The following TMEM132D variants were observed in gnomAD, a reference collection of about 807,000 sequenced individuals.
TMEM132D encodes the protein transmembrane protein 132D.
A neutral mutation model predicts 62.3 loss-of-function variants in TMEM132D; 21 were observed. The observed-to-expected ratio is 0.34, with a 90% confidence interval of 0.24 to 0.49. TMEM132D has a LOEUF of 0.49. Ranked by LOEUF, TMEM132D falls within the 20% of genes least tolerant of loss-of-function variation. The probability of loss-of-function intolerance (pLI) is 0.99; values close to 1 mark genes in which losing one functional copy is unlikely to be tolerated. For missense variants in TMEM132D, 1,346 were observed against 1,402.8 expected (o/e 0.96, Z 0.65); for synonymous variants, 621 against 575.6 (o/e 1.08, Z -1.13).
intron 1 of TMEM132D, among the ~76,000 whole-genome samples, chr12:129,866,132 G>T (rs893973726): frequency 6.6e-6 from 1 of 152,056 alleles, no homozygotes; most frequent in Admixed American, 6.5e-5. Flanking sequence ...AAAAGGGTTC[G>T]ACATGACTAT....
intron 1 of TMEM132D, among the ~76,000 whole-genome samples, chr12:129,725,590 G>A (rs1261324860): frequency 6.6e-6 from 1 of 152,232 alleles, no homozygotes; most frequent in African/African-American, 2.4e-5. Context: ...ACACTGCAGA[G>A]AAGGTGTTAC....
intron 1 of TMEM132D, among the ~76,000 whole-genome samples, chr12:129,743,746 G>C (rs901850185): frequency 1.3e-5 from 2 of 152,138 alleles, no homozygotes; most frequent in African/African-American, 4.8e-5. Context: ...TGAATTATCA[G>C]GGTAGGCTCA....
intron 3 of TMEM132D, among the ~76,000 whole-genome samples, chr12:129,483,588 C>T (rs914274774): frequency 6.6e-6 from 1 of 152,184 alleles, no homozygotes; most frequent in South Asian, 2.1e-4. Flanking sequence ...AAAGAAAAAG[C>T]CAGTTAATCT....
At chr12:129,579,841 G>A (rs1593073771) in intron 2 of TMEM132D, among the ~76,000 whole-genome samples, 1 of 152,278 alleles carries the variant, frequency 6.6e-6, no homozygotes, top group East Asian at 1.9e-4. Context: ...CAATCAAGTT[G>A]ACACTCAATA....
Position 129,700,441 on chromosome 12 carries a change from G to C in TMEM132D, c.337C>G (p.Pro113Ala), listed in dbSNP as rs1170116093. The C allele has an allele frequency of 6.2e-7, 1 of 1,614,046 alleles. No individual in the cohort carries two copies. Among genetic ancestry groups the C allele is most frequent in the African/African-American group, 1.3e-5 (1 of 74,926 alleles). Reference protein sequence around the residue: ...EQVVPQDLMLPSNPFGFTNKF... With the variant: ...EQVVPQDLMLASNPFGFTNKF... ...TTGGTGAATCCAAATGGGTTGGAAG[G>C]TAGCATTAAATCCTGGGGCACCACT... Residue 113 changes from proline to alanine, a missense_variant, in exon 2 of 9, where the codon CCT becomes GCT. Pro to Ala is a conservative substitution (Grantham distance 27). Coordinates refer to ENST00000422113, the MANE Select transcript of TMEM132D (RefSeq NM_133448.3).
intron 1 of TMEM132D, among the ~76,000 whole-genome samples, chr12:129,825,028 C>T (rs1342176132): frequency 8.7e-4 from 97 of 110,982 alleles, no homozygotes; most frequent in Non-Finnish European, 1.1e-3. Context: ...TTTTTTTTTT[C>T]CCTGAGATGG....
intron 3 of TMEM132D, among the ~76,000 whole-genome samples, chr12:129,415,813 G>C (rs1171574322): frequency 6.6e-6 from 1 of 152,186 alleles, no homozygotes; most frequent in Non-Finnish European, 1.5e-5. Flanking sequence ...GATCAGACTG[G>C]CATGGTGGCT....
At chr12:129,422,288 A>G (rs981823382) in intron 3 of TMEM132D, among the ~76,000 whole-genome samples, 2 of 152,186 alleles carry the variant, frequency 1.3e-5, no homozygotes, top group Non-Finnish European at 2.9e-5. Flanking sequence ...GGGGTATATT[A>G]TTGCTGTATC....
chr12:129,084,819 C>T (rs1874563307), intron 5 of TMEM132D, 117 bp from the exon 6 acceptor site: 1 of 917,166 alleles, frequency 1.1e-6, no homozygotes, highest in Non-Finnish European at 1.6e-6. Context: ...CTTTCCTCCC[C>T]TTACTATGGG....
chr12:129,365,655 GC>G (rs1870384097), intron 3 of TMEM132D, among the ~76,000 whole-genome samples: 1 of 152,134 alleles, frequency 6.6e-6, no homozygotes, highest in South Asian at 2.1e-4. Flanking sequence ...CCCGCAGGGA[GC>G]CTTGGAGCAA....
In TMEM132D at chr12:129,092,063, G is replaced by T. The variant is rs140501048; in HGVS notation, c.1444-7361C>A. Among the ~76,000 whole-genome samples, 87 of 152,280 alleles carry T rather than the reference G, an allele frequency of 5.7e-4. 1 individual carries two copies. The East Asian group carries it at 0.014, about 25-fold the overall frequency. Reference sequence around the variant, plus strand: ...TTAACTACCACATTACAATGCTGATGGTTTGAAGGGATGATCTATTAAAAC... The same window carrying T: ...TTAACTACCACATTACAATGCTGATTGTTTGAAGGGATGATCTATTAAAAC... On this transcript the variant is annotated intron_variant, in intron 5 of 8. Transcript: ENST00000422113.
At chr12:129,333,386 C>G (rs537587395) in intron 4 of TMEM132D, among the ~76,000 whole-genome samples, 3 of 152,006 alleles carry the variant, frequency 2.0e-5, no homozygotes, top group African/African-American at 7.3e-5. Context: ...GATTTTTGTA[C>G]GAAAATATAA....
chr12:129,535,777 C>CGTGTGCGTGT (rs1876368820), intron 2 of TMEM132D, among the ~76,000 whole-genome samples: 1 of 74,672 alleles, frequency 1.3e-5, no homozygotes, highest in Non-Finnish European at 2.7e-5. Context: ...GATTTGTGTG[C>CGTGTGCGTGT]GTGTGTGTGT....
rs371384445 is a variant in TMEM132D at position 129,455,983 on chromosome 12, T to C, written c.1115+75076A>G. Among the ~76,000 whole-genome samples, 9 of 152,258 alleles carry C rather than the reference T, an allele frequency of 5.9e-5. No homozygotes were observed. In the South Asian group the frequency reaches 1.0e-3, roughly 18 times the overall value. On this transcript the variant is annotated intron_variant, in intron 3 of 8. Coordinates refer to ENST00000422113, the MANE Select transcript of TMEM132D (RefSeq NM_133448.3). ...GGCAGGGGGATGATTTAAGTGGCTA[T>C]TGCAATAATCCAGGCAAGATACAAT...
chr12:129,198,944 CAG>C (rs1565994942), intron 5 of TMEM132D, among the ~76,000 whole-genome samples: 3 of 151,796 alleles, frequency 2.0e-5, no homozygotes, highest in Admixed American at 6.6e-5. Flanking sequence ...AAAATTAAAA[CAG>C]AAAATATGTG....
intron 4 of TMEM132D, among the ~76,000 whole-genome samples, chr12:129,232,679 G>A (rs189990185): frequency 6.6e-6 from 1 of 152,136 alleles, no homozygotes; most frequent in South Asian, 2.1e-4. Flanking sequence ...CTGCTATAAA[G>A]ATACTACCCG....
At chr12:129,622,621 C>CT in intron 2 of TMEM132D, among the ~76,000 whole-genome samples, 1 of 152,198 alleles carries the variant, frequency 6.6e-6, no homozygotes, top group Non-Finnish European at 1.5e-5. Flanking sequence ...CTGAACTCTA[C>CT]TATATGGTGT....
intron 4 of TMEM132D, among the ~76,000 whole-genome samples, chr12:129,226,438 A>G (rs563194473): frequency 4.5e-4 from 69 of 152,310 alleles, no homozygotes; most frequent in African/African-American, 1.6e-3. Context: ...TTCTCATACC[A>G]TTTGCCCCTG....
chr12:129,153,693 A>G (rs1003444022), intron 5 of TMEM132D, among the ~76,000 whole-genome samples: 2 of 152,126 alleles, frequency 1.3e-5, no homozygotes, highest in African/African-American at 4.8e-5. Flanking sequence ...ATAGAACCCC[A>G]AGCTCAGTGG....
Sources: allele counts gnomAD v4.1 joint callset (sites outside exome capture counted in the v4.1 genomes callset), GRCh38; gene constraint gnomAD v4.1.1; transcripts MANE v1.5; gene names NCBI Gene and HGNC (gene_info 2026-07-23, HGNC 2026-07-21).